BTNL9: variants seen among roughly 807,000 people sequenced by gnomAD.
The protein encoded by BTNL9 is butyrophilin-like protein 9.
In BTNL9, 45 loss-of-function variants were observed where a neutral mutation model predicts 45.8. That is an observed-to-expected ratio of 0.98 (90% CI 0.77 to 1.26). BTNL9 has a LOEUF of 1.26. Among genes scored for constraint, BTNL9 ranks in the 50% most tolerant of loss-of-function variants. The pLI, the probability that BTNL9 is intolerant of heterozygous loss-of-function variation, is 0.00. For synonymous variants in BTNL9, 346 were observed against 330.8 expected, an observed-to-expected ratio of 1.05 and a Z score of -0.50; for missense variants, 784 against 729.7, an observed-to-expected ratio of 1.07 and a Z score of -0.86.
chr5:181,058,746 G>T (rs989604418), intron 10 of BTNL9, among the ~76,000 whole-genome samples: 10 of 151,744 alleles, frequency 6.6e-5, no homozygotes, highest in Non-Finnish European at 1.3e-4. Flanking sequence ...GAAATGTGGG[G>T]CACTGGACTA....
rs756458616 is a variant in BTNL9, at chr5:181,059,766, G to A, written c.1512G>A (p.Pro504=). The A allele has an allele frequency of 5.6e-6, 9 of 1,611,210 alleles. 1 individual carries two copies. Among genetic ancestry groups the A allele is most frequent in the Non-Finnish European group, 7.6e-6 (9 of 1,179,722 alleles). ...ATCCGGATCCCCTGACCATCTGCCC[G>A]CTGCCGGTTAGAGGGACGGGCGTCC... ...GEHPDPLTIC[P]LPVRGTGVPE... Residue 504 remains proline (P), a synonymous_variant, in exon 11 of 11, where the codon CCG becomes CCA. Coordinates refer to ENST00000327705, the MANE Select transcript of BTNL9 (RefSeq NM_152547.5).
intron 7 of BTNL9, chr5:181,054,527 C>T (rs1761774233): frequency 1.0e-6 from 1 of 985,316 alleles, no homozygotes; most frequent in African/African-American, 1.7e-5. Flanking sequence ...CGTTTACTGT[C>T]TCCGGTTCAT....
intron 9 of BTNL9, 69 bp downstream of exon 9, chr5:181,056,084 A>T: frequency 6.4e-7 from 1 of 1,556,816 alleles, no homozygotes; most frequent in African/African-American, 1.4e-5. Context: ...AACTCACCTG[A>T]TTAACCAATC....
intron 3 of BTNL9, among the ~76,000 whole-genome samples, chr5:181,049,741 A>T (rs1761432549): frequency 6.6e-6 from 1 of 152,224 alleles, no homozygotes; most frequent in Non-Finnish European, 1.5e-5. Context: ...CAAGAGAAGG[A>T]GAAGAGTCAC....
At position 181,045,618 on chromosome 5, in the gene BTNL9, G is replaced by T. The variant is rs1263326402; in HGVS notation, c.109+20G>T. On this transcript the variant is annotated intron_variant, in intron 2 of 10. Transcript: ENST00000327705. ...GCTCAGGTATTGTGTCTGCAGCCTA[G>T]CTGGCCAGGATGTGAACGCCACCCC... The T allele has an allele frequency of 6.3e-7, 1 of 1,591,192 alleles. No homozygotes were observed. Among genetic ancestry groups the T allele is most frequent in the Non-Finnish European group, 8.6e-7 (1 of 1,160,598 alleles).
Position 181,048,093 on chromosome 5 carries a change from C to T in BTNL9, c.276C>T (p.Leu92=). The change falls in exon 3 of 11, where the codon CTC becomes CTT. Residue 92 remains leucine (L), a synonymous_variant. Transcript: ENST00000327705. Reference sequence around the variant, plus strand: ...ACCTGTACCAGGAGCAGCAGGAGCTCCCTGGCAGGCAGATGCCGGCGTTCC... The same window carrying T: ...ACCTGTACCAGGAGCAGCAGGAGCTTCCTGGCAGGCAGATGCCGGCGTTCC... ...VVHLYQEQQE[L]PGRQMPAFRN... 6.2e-7 allele frequency: 1 copy of T among 1,613,658 alleles called. No individual in the cohort carries two copies. The highest frequency in any genetic ancestry group is 8.5e-7 in the Non-Finnish European group (1 of 1,180,008).
In BTNL9 at chr5:181,055,684, G is replaced by C; in HGVS notation, c.928+231G>C. On this transcript the variant is annotated intron_variant, in intron 8 of 10. Coordinates refer to ENST00000327705, the MANE Select transcript of BTNL9 (RefSeq NM_152547.5). The surrounding 1 kb of genome is among the most constrained non-coding windows in gnomAD (Gnocchi z 4.4). ...CATGGGAGGCTGAGGCAGGAGAAGG[G>C]CGTGAACCCGGGAAGCGGAGCTTGC... The C allele has an allele frequency of 2.9e-6, 2 of 688,454 alleles. No homozygotes were observed. Among genetic ancestry groups the C allele is most frequent in the South Asian group, 3.3e-5 (2 of 60,336 alleles). 42.6% of individuals were successfully genotyped at this position (688,454 alleles called of 1,614,324 possible).
In BTNL9 at chr5:181,047,975, A is replaced by G. The variant is rs148064584; in HGVS notation, c.158A>G (p.Glu53Gly). The G allele has an allele frequency of 6.2e-7, 1 of 1,613,662 alleles. No individual in the cohort carries two copies. The highest frequency in any genetic ancestry group is 8.5e-7 in the Non-Finnish European group (1 of 1,180,014). ...TATCCCATCCTGGCCCTCGTCGGGG[A>G]GGAGGTGGAGTTCCCGTGCCACCTA... ...PEYPILALVG[E>G]EVEFPCHLWP... The change falls in exon 3 of 11, where the codon GAG (glutamate) becomes GGG (glycine). Residue 53 changes from glutamate (E) to glycine (G), a missense_variant. Physicochemically the swap from Glu to Gly is moderately conservative, Grantham distance 98. Transcript: ENST00000327705.
At position 181,055,152 on chromosome 5, in the gene BTNL9, C is replaced by T; in HGVS notation, c.908-281C>T. The T allele has an allele frequency of 8.0e-7, 1 of 1,250,256 alleles. No individual in the cohort carries two copies. The highest frequency in any genetic ancestry group is 1.0e-6 in the Non-Finnish European group (1 of 994,198). The allele number at this position is 1,250,256 out of a possible 1,614,324, so 77.4% of individuals were successfully genotyped here. ...TGATTTCAGGCAGAAGGAACAACCCCAACCCTGGGAAGAGGCCTGTCAGTA... is the reference window on the plus strand; with the variant it reads ...TGATTTCAGGCAGAAGGAACAACCCTAACCCTGGGAAGAGGCCTGTCAGTA... On this transcript the variant is annotated intron_variant, in intron 7 of 10. Coordinates refer to ENST00000327705, the MANE Select transcript of BTNL9 (RefSeq NM_152547.5). This position sits in a 1 kb window ranked among gnomAD's most constrained non-coding sequence, Gnocchi z 4.4.
At chr5:181,057,041 T>A (rs954086107) in intron 9 of BTNL9, 11 of 150,088 alleles carry the variant, frequency 7.3e-5, no homozygotes, top group Non-Finnish European at 1.2e-4. Context: ...TGTGTGTGTG[T>A]GTGAGATTAA....
Position 181,055,332 on chromosome 5 carries a change from C to T in BTNL9, c.908-101C>T. The stretch of plus-strand genomic sequence containing the variant: ...AAAAAAAAAATGAAGCTGTGATTAG[C>T]AGTGGCTTAAGACTAAGGAAGCTCT... On this transcript the variant is annotated intron_variant, in intron 7 of 10. Transcript: ENST00000327705. The surrounding 1 kb of genome is among the most constrained non-coding windows in gnomAD (Gnocchi z 4.4). 19 of 1,589,488 alleles carry T rather than the reference C, an allele frequency of 1.2e-5. No homozygotes were observed. The highest frequency in any genetic ancestry group is 1.5e-5 in the Non-Finnish European group (18 of 1,171,302).
rs1010429863 is a variant in BTNL9, at chr5:181,060,499, G to A, written c.*637G>A. 1 of 152,076 alleles carries A rather than the reference G, an allele frequency of 6.6e-6. No individual in the cohort carries two copies. The highest frequency in any genetic ancestry group is 1.5e-5 in the Non-Finnish European group (1 of 68,032). The allele number at this position is 152,076 out of a possible 1,614,324, so 9.4% of individuals were successfully genotyped here. A position where few individuals can be genotyped will look rare whatever the true frequency, so the allele number is the denominator to read the frequency against. Reference sequence around the variant, plus strand: ...GAAGGGGCCTCACTGACCAATTGTGGGACAATTTGAACATCAGGATGAATA... The same window carrying A: ...GAAGGGGCCTCACTGACCAATTGTGAGACAATTTGAACATCAGGATGAATA... On this transcript the variant is annotated 3_prime_UTR_variant, in exon 11 of 11. Coordinates refer to ENST00000327705, the MANE Select transcript of BTNL9 (RefSeq NM_152547.5).
At chr5:181,049,618 T>C (rs926576841) in intron 3 of BTNL9, among the ~76,000 whole-genome samples, 1 of 152,334 alleles carries the variant, frequency 6.6e-6, no homozygotes, top group East Asian at 1.9e-4. Context: ...CTGTACAGCA[T>C]TGGCATTTAT....
Position 181,060,818 on chromosome 5 carries a change from C to G in BTNL9, c.*956C>G, listed in dbSNP as rs1407597824. The stretch of plus-strand genomic sequence containing the variant: ...GGGACCAAGGACATTATTAGTTTGA[C>G]AACTGGGGAAAGAAGTGTTCTTCAC... On this transcript the variant is annotated 3_prime_UTR_variant, in exon 11 of 11. Coordinates refer to ENST00000327705, the MANE Select transcript of BTNL9 (RefSeq NM_152547.5). 6.6e-6 allele frequency: 1 copy of G among 152,242 alleles called. No homozygotes were observed. Among genetic ancestry groups the G allele is most frequent in the Non-Finnish European group, 1.5e-5 (1 of 68,058 alleles). The allele number at this position is 152,242 out of a possible 1,614,324, so 9.4% of individuals were successfully genotyped here. A position where few individuals can be genotyped will look rare whatever the true frequency, so the allele number is the denominator to read the frequency against.
At chr5:181,054,668 T>C (rs2113236287) in intron 7 of BTNL9, 2 of 984,878 alleles carry the variant, frequency 2.0e-6, no homozygotes, top group South Asian at 4.7e-5. Context: ...CGTGAAACCA[T>C]GGGATGTGTC....
At position 181,055,674 on chromosome 5, in the gene BTNL9, C is replaced by A; in HGVS notation, c.928+221C>A. The A allele has an allele frequency of 1.5e-6, 1 of 686,956 alleles. No homozygotes were observed. Among genetic ancestry groups the A allele is most frequent in the Non-Finnish European group, 2.6e-6 (1 of 390,216 alleles). The allele number at this position is 686,956 out of a possible 1,614,324, so 42.6% of individuals were successfully genotyped here. A position where few individuals can be genotyped will look rare whatever the true frequency, so the allele number is the denominator to read the frequency against. ...GTCCCAGCTACATGGGAGGCTGAGG[C>A]AGGAGAAGGGCGTGAACCCGGGAAG... is the stretch of plus-strand genomic sequence containing the variant. On this transcript the variant is annotated intron_variant, in intron 8 of 10. Transcript: ENST00000327705. The surrounding 1 kb of genome is among the most constrained non-coding windows in gnomAD (Gnocchi z 4.4).
rs780562974 is a variant in BTNL9, at chr5:181,045,594, C to A, written c.105C>A (p.Ser35Arg). The A allele has an allele frequency of 1.9e-6, 3 of 1,610,106 alleles. No individual in the cohort carries two copies. Among genetic ancestry groups the A allele is most frequent in the African/African-American group, 2.7e-5 (2 of 74,708 alleles). Reference sequence around the variant, plus strand: ...TCCTCCTTCAGCCTGGGGAGCCGAGCTCAGGTATTGTGTCTGCAGCCTAGC... The same window carrying A: ...TCCTCCTTCAGCCTGGGGAGCCGAGATCAGGTATTGTGTCTGCAGCCTAGC... ...HLLLLQPGEP[S>R]SEVKVLGPEY... The change falls in exon 2 of 11, where the codon AGC (serine) becomes AGA (arginine). Residue 35 changes from serine to arginine, a missense_variant. Physicochemically the swap from Ser to Arg is moderately radical, Grantham distance 110. Coordinates refer to ENST00000327705, the MANE Select transcript of BTNL9 (RefSeq NM_152547.5).
Position 181,055,858 on chromosome 5 carries a change from C to T in BTNL9, c.929-131C>T, listed in dbSNP as rs538353558. On this transcript the variant is annotated intron_variant, in intron 8 of 10. Coordinates refer to ENST00000327705, the MANE Select transcript of BTNL9 (RefSeq NM_152547.5). This position sits in a 1 kb window ranked among gnomAD's most constrained non-coding sequence, Gnocchi z 4.4. ...CTCATCTCCCAACCAGGTATGATGC[C>T]CAGGCAGGACCCCTGCTGGCTATGT... 8.7e-6 allele frequency: 9 copies of T among 1,039,180 alleles called. No homozygotes were observed. The highest frequency in any genetic ancestry group is 4.7e-5 in the East Asian group (2 of 42,340). The allele number at this position is 1,039,180 out of a possible 1,614,324, so 64.4% of individuals were successfully genotyped here. A position where few individuals can be genotyped will look rare whatever the true frequency, so the allele number is the denominator to read the frequency against.
Position 181,053,734 on chromosome 5 carries a change from GT to G in BTNL9, c.886+235del, listed in dbSNP as rs776985715. ...CGGAGGCTAGTGCACAGATGTCAGGGTTGACCGGCTGCTGTCGTTACGCCCT... is the reference window on the plus strand; with the variant it reads ...CGGAGGCTAGTGCACAGATGTCAGGGTGACCGGCTGCTGTCGTTACGCCCT... On this transcript the variant is annotated intron_variant, in intron 6 of 10. Transcript: ENST00000327705. This position sits in a 1 kb window ranked among gnomAD's most constrained non-coding sequence, Gnocchi z 6.5. 8 of 1,513,986 alleles carry G rather than the reference GT, an allele frequency of 5.3e-6. No individual in the cohort carries two copies. Among genetic ancestry groups the G allele is most frequent in the Non-Finnish European group, 7.1e-6 (8 of 1,131,430 alleles). The allele number at this position is 1,513,986 out of a possible 1,614,324, so 93.8% of individuals were successfully genotyped here.
Sources: gnomAD v4.1 joint callset for allele counts (sites outside exome capture counted in the v4.1 genomes callset) on GRCh38, gnomAD v4.1.1 for gene constraint, Gnocchi (gnomAD v3.1) non-coding constraint, MANE v1.5 for transcripts, NCBI Gene and HGNC (gene_info 2026-07-23, HGNC 2026-07-21) for gene names.